FAM78B: variants seen among roughly 807,000 people sequenced by gnomAD.
FAM78B encodes family with sequence similarity 78 member B, also known as protein FAM78B.
FAM78B carries 10 observed loss-of-function variants against 20.0 expected under a neutral mutation model. The observed-to-expected ratio is 0.50, with a 90% confidence interval of 0.31 to 0.85. The LOEUF (loss-of-function observed/expected upper bound fraction) is 0.85, where lower values mean the gene tolerates loss of function less well. Ranked by LOEUF, FAM78B falls within the 40% of genes least tolerant of loss-of-function variation. FAM78B has a pLI of 0.05. For missense variants in FAM78B, 283 were observed against 345.0 expected (o/e 0.82, Z 1.42); for synonymous variants, 135 against 132.8 (o/e 1.02, Z -0.12).
intron 1 of FAM78B, among the ~76,000 whole-genome samples, chr1:166,155,828 A>C (rs946600783): frequency 2.6e-5 from 4 of 152,178 alleles, no homozygotes; most frequent in Non-Finnish European, 2.9e-5. Flanking sequence ...TCCTGCTCTC[A>C]CAGAACGGGC....
intron 1 of FAM78B, among the ~76,000 whole-genome samples, chr1:166,138,069 T>C (rs1167245630): frequency 6.6e-6 from 1 of 152,172 alleles, no homozygotes; most frequent in African/African-American, 2.4e-5. Flanking sequence ...CACTAGTCAA[T>C]GAGTATGAAC....
intron 1 of FAM78B, among the ~76,000 whole-genome samples, chr1:166,082,057 C>G (rs1399324295): frequency 6.6e-6 from 1 of 152,222 alleles, no homozygotes; most frequent in African/African-American, 2.4e-5. Context: ...GACACTGCTT[C>G]CAAGCTTGTG....
chr1:166,100,753 T>G (rs2101746598), intron 1 of FAM78B, among the ~76,000 whole-genome samples: 1 of 152,336 alleles, frequency 6.6e-6, no homozygotes, highest in Middle Eastern at 3.4e-3. Flanking sequence ...CTCTGTAGAT[T>G]CCACCTCTGG....
intron 1 of FAM78B, among the ~76,000 whole-genome samples, chr1:166,102,238 C>G (rs1653557605): frequency 6.6e-6 from 1 of 152,290 alleles, no homozygotes; most frequent in South Asian, 2.1e-4. Flanking sequence ...CAACCGGTAA[C>G]AGCCACTGCA....
At chr1:166,072,177 CTGAT>C in intron 1 of FAM78B, among the ~76,000 whole-genome samples, 1 of 152,284 alleles carries the variant, frequency 6.6e-6, no homozygotes, top group African/African-American at 2.4e-5. Flanking sequence ...CAAGCTAGTG[CTGAT>C]TAACATCTCA....
At chr1:166,165,838 G>A in intron 1 of FAM78B, 148 bp downstream of exon 1, 1 of 868,874 alleles carries the variant, frequency 1.2e-6, no homozygotes, top group East Asian at 2.7e-5. Context: ...CAAAAGCGTA[G>A]GGAGGAGGGA....
intron 1 of FAM78B, among the ~76,000 whole-genome samples, chr1:166,127,927 G>A (rs1654702158): frequency 2.0e-5 from 3 of 152,292 alleles, no homozygotes; most frequent in Middle Eastern, 3.4e-3. Context: ...ACACACTGAC[G>A]ATTATTTTAG....
At chr1:166,125,996 T>G (rs564148516) in intron 1 of FAM78B, among the ~76,000 whole-genome samples, 1 of 152,230 alleles carries the variant, frequency 6.6e-6, no homozygotes, top group Non-Finnish European at 1.5e-5. Context: ...CATGCCCAGC[T>G]AATTTTTGTA....
intron 2 of FAM78B, among the ~76,000 whole-genome samples, chr1:166,063,509 TG>T (rs909208567): frequency 6.6e-6 from 1 of 152,174 alleles, no homozygotes; most frequent in African/African-American, 2.4e-5. Context: ...TCTTAAACAC[TG>T]GATCTTATGA....
chr1:166,104,923 C>A (rs1653705938), intron 1 of FAM78B, among the ~76,000 whole-genome samples: 2 of 152,290 alleles, frequency 1.3e-5, no homozygotes, highest in South Asian at 4.1e-4. Flanking sequence ...AAGAACAAAG[C>A]TGGAGGCATC....
intron 1 of FAM78B, among the ~76,000 whole-genome samples, chr1:166,159,737 C>A (rs1296744590): frequency 6.6e-6 from 1 of 152,184 alleles, no homozygotes; most frequent in South Asian, 2.1e-4. Context: ...GTTAACTTCC[C>A]ATTTGTTTCT....
chr1:166,103,970 C>T lies in FAM78B; in HGVS notation c.264-33207G>A, dbSNP rs144037548. Among the ~76,000 whole-genome samples the T allele has an allele frequency of 3.4e-3, 513 of 152,298 alleles. 3 individuals carry two copies. The highest frequency in any genetic ancestry group is 0.012 in the African/African-American group (487 of 41,564). Reference sequence around the variant, plus strand: ...AAATCCTCAATAAAATACTGGCAAACCGAATCCAGCAACACATCCAAAAGC... The same window carrying T: ...AAATCCTCAATAAAATACTGGCAAATCGAATCCAGCAACACATCCAAAAGC... On this transcript the variant is annotated intron_variant, in intron 1 of 1. Transcript: ENST00000354422.
downstream of FAM78B, among the ~76,000 whole-genome samples, chr1:166,065,277 A>G (rs1185163417): frequency 6.6e-6 from 1 of 152,148 alleles, no homozygotes; most frequent in Non-Finnish European, 1.5e-5. Context: ...GGGCACCACC[A>G]ATTTAGTGTG....
chr1:166,122,929 T>C (rs141575675), intron 1 of FAM78B, among the ~76,000 whole-genome samples: 61 of 152,168 alleles, frequency 4.0e-4, no homozygotes, highest in African/African-American at 1.4e-3. Context: ...GCCCCTCTTT[T>C]ATATGAGGGA....
chr1:166,064,632 CG>C (rs1651733427), downstream of FAM78B, among the ~76,000 whole-genome samples: 1 of 152,158 alleles, frequency 6.6e-6, no homozygotes, highest in Non-Finnish European at 1.5e-5. Flanking sequence ...ACCCACTCTC[CG>C]CAGGGGCCAG....
intron 1 of FAM78B, among the ~76,000 whole-genome samples, chr1:166,138,847 A>G (rs1655170711): frequency 6.6e-6 from 1 of 152,256 alleles, no homozygotes; most frequent in Non-Finnish European, 1.5e-5. Flanking sequence ...TGCCTTGCAC[A>G]TGGCAGGTAC....
chr1:166,085,743 A>C lies in FAM78B; in HGVS notation c.264-14980T>G, dbSNP rs142854502. Among the ~76,000 whole-genome samples the C allele has an allele frequency of 1.6e-3, 237 of 152,244 alleles. 1 individual carries two copies. Among genetic ancestry groups the C allele is most frequent in the African/African-American group, 5.5e-3 (228 of 41,542 alleles). On this transcript the variant is annotated intron_variant, in intron 1 of 1. Coordinates refer to ENST00000354422, the MANE Select transcript of FAM78B (RefSeq NM_001017961.5). Reference sequence around the variant, plus strand: ...ACTATGACCAGAAAGAACATAACCGACAGGGTCTGGGTACCTGGGAGTCAA... The same window carrying C: ...ACTATGACCAGAAAGAACATAACCGCCAGGGTCTGGGTACCTGGGAGTCAA...
chr1:166,146,669 G>A (rs1655469821), intron 1 of FAM78B, among the ~76,000 whole-genome samples: 1 of 152,200 alleles, frequency 6.6e-6, no homozygotes, highest in Admixed American at 6.5e-5. Flanking sequence ...GTCAAGGGCG[G>A]CACATTAAGC....
chr1:166,142,425 CAG>C (rs978419296), intron 1 of FAM78B, among the ~76,000 whole-genome samples: 13 of 152,320 alleles, frequency 8.5e-5, no homozygotes, highest in African/African-American at 3.1e-4. Context: ...AGTCCACAGA[CAG>C]AGTCAGTGGT....
Sources: allele counts gnomAD v4.1 joint callset (sites outside exome capture counted in the v4.1 genomes callset), GRCh38; gene constraint gnomAD v4.1.1; transcripts MANE v1.5; gene names NCBI Gene and HGNC (gene_info 2026-07-23, HGNC 2026-07-21).